Variants in PTPN4 observed in about 807,000 individuals in gnomAD.
The protein encoded by PTPN4 is tyrosine-protein phosphatase non-receptor type 4.
PTPN4 carries 49 observed loss-of-function variants against 135.5 expected under a neutral mutation model. That is an observed-to-expected ratio of 0.36 (90% confidence interval 0.29 to 0.46). The LOEUF (loss-of-function observed/expected upper bound fraction) is 0.46, where lower values mean the gene tolerates loss of function less well. PTPN4 is among the 20% of genes least tolerant of loss of function. The pLI, the probability that PTPN4 is intolerant of heterozygous loss-of-function variation, is 1.00. For synonymous variants in PTPN4, 333 were observed against 369.9 expected (o/e 0.90, Z 1.14); for missense variants, 860 against 1,101.0 (o/e 0.78, Z 3.10).
intron 8 of PTPN4, among the ~76,000 whole-genome samples, chr2:119,884,186 C>G (rs1449276208): frequency 6.6e-6 from 1 of 152,258 alleles, no homozygotes; most frequent in Non-Finnish European, 1.5e-5. Flanking sequence ...GCGTGAGCCA[C>G]CACGCCCAGC....
chr2:119,897,972 G>A (rs181896668), intron 9 of PTPN4, among the ~76,000 whole-genome samples: 3 of 152,294 alleles, frequency 2.0e-5, no homozygotes, highest in South Asian at 2.1e-4. Flanking sequence ...TAGTTGGTCC[G>A]TGAAGAGACA....
Position 119,832,651 on chromosome 2 carries a change from T to C in PTPN4, c.138+22660T>C, listed in dbSNP as rs959327265. The stretch of plus-strand genomic sequence containing the variant: ...GATTTCCCCCCTATTTTTAAGGAGA[T>C]ACTTGTATATCTTTTTCTCCTTATT... On this transcript the variant is annotated intron_variant, in intron 2 of 26. Coordinates refer to ENST00000263708, the MANE Select transcript of PTPN4 (RefSeq NM_002830.4). 1.3e-4 allele frequency among the ~76,000 whole-genome samples: 20 copies of C among 152,150 alleles called. 3 individuals are homozygous for C. The highest frequency in any genetic ancestry group is 1.2e-3 in the Admixed American group (18 of 15,278).
At chr2:119,766,474 G>A (rs957794594) in intron 1 of PTPN4, among the ~76,000 whole-genome samples, 11 of 131,460 alleles carry the variant, frequency 8.4e-5, no homozygotes, top group Non-Finnish European at 1.2e-4. Flanking sequence ...GTGTGTGTGT[G>A]TGTGTGTGTC....
intron 9 of PTPN4, among the ~76,000 whole-genome samples, chr2:119,897,551 C>T (rs1219555675): frequency 6.6e-6 from 1 of 152,138 alleles, no homozygotes; most frequent in African/African-American, 2.4e-5. Context: ...TATTTACTTG[C>T]TTCATGCTAT....
intron 18 of PTPN4, among the ~76,000 whole-genome samples, chr2:119,949,327 T>C (rs1392363692): frequency 2.0e-5 from 3 of 152,312 alleles, no homozygotes; most frequent in Admixed American, 1.3e-4. Flanking sequence ...AACCTTCTAA[T>C]TGGAAACCAC....
intron 9 of PTPN4, among the ~76,000 whole-genome samples, chr2:119,891,410 C>A (rs542749630): frequency 3.9e-5 from 6 of 152,274 alleles, no homozygotes; most frequent in African/African-American, 1.4e-4. Flanking sequence ...GCAACCTCTG[C>A]CTCCCAGATT....
chr2:119,934,643 C>G (rs767767528), intron 14 of PTPN4, among the ~76,000 whole-genome samples, 157 bp from the exon 15 acceptor site: 6 of 152,126 alleles, frequency 3.9e-5, no homozygotes, highest in Admixed American at 6.6e-5. Context: ...TCTCTGTTCC[C>G]TCTGTTTATA....
chr2:119,910,867 G>A (rs139800541), intron 10 of PTPN4, among the ~76,000 whole-genome samples: 6 of 152,068 alleles, frequency 3.9e-5, no homozygotes, highest in South Asian at 2.1e-4. Context: ...ACCCAGTCTC[G>A]GGCATGTCTT....
chr2:119,950,867 G>A (rs768841252), intron 18 of PTPN4, among the ~76,000 whole-genome samples: 26 of 152,128 alleles, frequency 1.7e-4, no homozygotes, highest in Non-Finnish European at 3.8e-4. Flanking sequence ...GCAGGATCTT[G>A]ATGATTAATA....
At chr2:119,911,087 C>G (rs1021412422) in intron 10 of PTPN4, among the ~76,000 whole-genome samples, 2 of 151,974 alleles carry the variant, frequency 1.3e-5, no homozygotes, top group African/African-American at 4.8e-5. Flanking sequence ...TGAATTCTAT[C>G]GAACATTTAA....
intron 3 of PTPN4, among the ~76,000 whole-genome samples, chr2:119,863,277 C>G (rs771878374): frequency 1.1e-4 from 16 of 151,950 alleles, no homozygotes; most frequent in Admixed American, 4.6e-4. Flanking sequence ...ATAAAATGCA[C>G]TAAAGGATAT....
chr2:119,934,838 G>C lies in PTPN4; in HGVS notation c.1235G>C (p.Arg412Pro), dbSNP rs746341802. 1 of 1,613,938 alleles carries C rather than the reference G, an allele frequency of 6.2e-7. No homozygotes were observed. Among genetic ancestry groups the C allele is most frequent in the Non-Finnish European group, 8.5e-7 (1 of 1,179,924 alleles). The change falls in exon 15 of 27, where the codon CGA (arginine) becomes CCA (proline). Residue 412 changes from arginine to proline, a missense_variant. By Grantham distance (103) the Arg-to-Pro change is moderately radical (BLOSUM62 -2). Coordinates refer to ENST00000263708, the MANE Select transcript of PTPN4 (RefSeq NM_002830.4). Reference sequence around the variant, plus strand: ...TTCACGCAGGAAGGAACCCGGTTACGACCATCTTCAGTTGGTCATTTGGTA... The same window carrying C: ...TTCACGCAGGAAGGAACCCGGTTACCACCATCTTCAGTTGGTCATTTGGTA... ...STFTQEGTRL[R>P]PSSVGHLVDH...
intron 1 of PTPN4, 69 bp downstream of exon 1, chr2:119,760,453 G>A (rs1690462202): frequency 1.0e-5 from 4 of 389,216 alleles, no homozygotes; most frequent in Non-Finnish European, 1.8e-5. Flanking sequence ...TTACCTGCAT[G>A]TGTGGCTCCT....
chr2:119,973,652 C>CTTTTTTTTTT (rs1553481271), intron 26 of PTPN4, among the ~76,000 whole-genome samples: 13 of 18,082 alleles, frequency 7.2e-4, no homozygotes, highest in African/African-American at 1.5e-3. Flanking sequence ...TCCTTCATTT[C>CTTTTTTTTTT]TTGTTTTTTT....
chr2:119,944,082 C>T (rs1433587639), intron 15 of PTPN4, among the ~76,000 whole-genome samples: 2 of 151,954 alleles, frequency 1.3e-5, no homozygotes, highest in African/African-American at 4.8e-5. Context: ...TTAGGTGTCC[C>T]GTTAGTCAAC....
intron 1 of PTPN4, among the ~76,000 whole-genome samples, chr2:119,771,206 C>T (rs116466707): frequency 0.017 from 2,566 of 152,212 alleles, 42 homozygotes; most frequent in Non-Finnish European, 0.027. Flanking sequence ...TTGGACTTTC[C>T]ATCCCAGCCC....
chr2:119,839,937 G>A (rs1351748565), intron 2 of PTPN4, among the ~76,000 whole-genome samples: 2 of 152,168 alleles, frequency 1.3e-5, no homozygotes, highest in Non-Finnish European at 2.9e-5. Flanking sequence ...TGGAAAGTAT[G>A]AGGGGAAAAC....
At chr2:119,970,291 C>G (rs1287399687) in intron 26 of PTPN4, among the ~76,000 whole-genome samples, 1 of 151,294 alleles carries the variant, frequency 6.6e-6, no homozygotes, top group Non-Finnish European at 1.5e-5. Flanking sequence ...AACTCCTGAC[C>G]TCAGGTGATC....
At position 119,977,284 on chromosome 2, in the gene PTPN4, G is replaced by T. The variant is rs985722342; in HGVS notation, c.*214G>T. 7 of 754,406 alleles carry T rather than the reference G, an allele frequency of 9.3e-6. No homozygotes were observed. The East Asian group carries it at 3.1e-4, about 33-fold the overall frequency. 46.7% of individuals were successfully genotyped at this position (754,406 alleles called of 1,614,324 possible). A position where few individuals can be genotyped will look rare whatever the true frequency, so the allele number is the denominator to read the frequency against. ...GTATTTGAAGACTGTTTCATGCTTT[G>T]CTCCGAACAAATAGTAAATAACTGA... On this transcript the variant is annotated 3_prime_UTR_variant, in exon 27 of 27. Transcript: ENST00000263708.
Sources: gnomAD v4.1 joint callset for allele counts (sites outside exome capture counted in the v4.1 genomes callset) on GRCh38, gnomAD v4.1.1 for gene constraint, MANE v1.5 for transcripts, NCBI Gene and HGNC (gene_info 2026-07-23, HGNC 2026-07-21) for gene names.